Variants in ACAP1 observed in about 807,000 individuals in gnomAD.
ACAP1 encodes the protein arf-GAP with coiled-coil, ANK repeat and PH domain-containing protein 1.
In ACAP1, 45 loss-of-function variants were observed where a neutral mutation model predicts 98.8. That is an observed-to-expected ratio of 0.46 (90% CI 0.36 to 0.58). The LOEUF (loss-of-function observed/expected upper bound fraction) is 0.58. Among genes scored for constraint, ACAP1 ranks in the 20% least tolerant of loss-of-function variants. ACAP1 has a pLI of 0.00. For missense variants in ACAP1, 735 were observed against 971.4 expected, an observed-to-expected ratio of 0.76 and a Z score of 3.24; for synonymous variants, 362 against 375.3, an observed-to-expected ratio of 0.96 and a Z score of 0.41.
chr17:7,341,188 T>G (rs1449353530), intron 2 of ACAP1, among the ~76,000 whole-genome samples: 1 of 152,274 alleles, frequency 6.6e-6, no homozygotes, highest in Non-Finnish European at 1.5e-5. Context: ...TCTCGGTCTG[T>G]CACCCAGGCT....
chr17:7,336,592 A>T lies in ACAP1; in HGVS notation c.-143A>T. On this transcript the variant is annotated 5_prime_UTR_variant, in exon 1 of 22. Transcript: ENST00000158762. ...GACACCCCTTTCCCCTTGGGGAAAG[A>T]ATTGTGCCCCCAGGCCCTTCCCCGC... The T allele has an allele frequency of 1.3e-6, 1 of 795,506 alleles. No individual in the cohort carries two copies. Among genetic ancestry groups the T allele is most frequent in the Admixed American group, 2.0e-5 (1 of 50,774 alleles). 49.3% of individuals were successfully genotyped at this position (795,506 alleles called of 1,614,324 possible).
intron 10 of ACAP1, 57 bp from the exon 11 acceptor site, chr17:7,346,187 T>C (rs1210727184): frequency 6.4e-7 from 1 of 1,551,292 alleles, no homozygotes; most frequent in East Asian, 2.2e-5. Flanking sequence ...GCACAGCCTC[T>C]CTTCCGTCCC....
Position 7,343,654 on chromosome 17 carries a change from TG to T in ACAP1, c.529-51del. ...TCCAGTGTGCAGTGGGAAGGGGTGCTGTGTCTTCAAGACTGATCTGGGGTTT... is the reference window on the plus strand; with the variant it reads ...TCCAGTGTGCAGTGGGAAGGGGTGCTTGTCTTCAAGACTGATCTGGGGTTT... On this transcript the variant is annotated intron_variant, in intron 6 of 21. Coordinates refer to ENST00000158762, the MANE Select transcript of ACAP1 (RefSeq NM_014716.4). The surrounding 1 kb of genome is among the most constrained non-coding windows in gnomAD (Gnocchi z 4.9). 6.2e-7 allele frequency: 1 copy of T among 1,601,446 alleles called. No homozygotes were observed.
chr17:7,340,929 C>G (rs1025583086), intron 2 of ACAP1, among the ~76,000 whole-genome samples: 8 of 152,262 alleles, frequency 5.3e-5, no homozygotes, highest in Admixed American at 5.2e-4. Context: ...GATCCACCCA[C>G]CTCAGCCTCC....
chr17:7,337,177 A>G, intron 1 of ACAP1, 135 bp from the exon 2 acceptor site: 2 of 800,140 alleles, frequency 2.5e-6, no homozygotes, highest in South Asian at 1.5e-5. Flanking sequence ...GAGCACAAGT[A>G]GGTGGGTGGG....
chr17:7,348,184 G>A lies in ACAP1; in HGVS notation c.1471G>A (p.Ala491Thr). ...CCAGATCTATGAGGCCCGCGTGGAG[G>A]CCATGGCAGTGAAGAAACCAGGGCC... ...INQIYEARVEAMAVKKPGPSC... is the reference protein window; with the variant it reads ...INQIYEARVETMAVKKPGPSC... Residue 491 changes from alanine (A) to threonine (T), a missense_variant, in exon 16 of 22, where the codon GCC becomes ACC. This residue lies in a region of ACAP1 where 81 missense variants were observed against 132.0 expected (regional missense o/e 0.61). Transcript: ENST00000158762. 1 of 1,614,066 alleles carries A rather than the reference G, an allele frequency of 6.2e-7. No homozygotes were observed. The highest frequency in any genetic ancestry group is 8.5e-7 in the Non-Finnish European group (1 of 1,179,960).
Position 7,343,712 on chromosome 17 carries a change from G to A in ACAP1, c.535G>A (p.Val179Met), listed in dbSNP as rs773510903. 4.3e-6 allele frequency: 7 copies of A among 1,614,048 alleles called. No homozygotes were observed. Among genetic ancestry groups the A allele is most frequent in the South Asian group, 3.3e-5 (3 of 91,070 alleles). ...RALDYALQIN[V>M]IEDKRKFDIM... ...TCCTCTTTTACGTCCTCAGATCAAC[G>A]TGATTGAGGACAAGAGGAAGTTTGA... The change falls in exon 7 of 22, where the codon GTG becomes ATG. Residue 179 changes from valine to methionine, a missense_variant. Val to Met is a conservative substitution (Grantham distance 21). Transcript: ENST00000158762. This position sits in a 1 kb window ranked among gnomAD's most constrained non-coding sequence, Gnocchi z 4.9.
At position 7,336,719 on chromosome 17, in the gene ACAP1, CA is replaced by C; in HGVS notation, c.-15del. On this transcript the variant is annotated 5_prime_UTR_variant, in exon 1 of 22. Transcript: ENST00000158762. ...CGGCCTCCAGGGCCCGCTGGCCCCA[CA>C]GCAGGCAAGCTGAGATGACGGTCAA... 6.2e-7 allele frequency: 1 copy of C among 1,613,824 alleles called. No individual in the cohort carries two copies. The highest frequency in any genetic ancestry group is 8.5e-7 in the Non-Finnish European group (1 of 1,179,798).
At position 7,343,863 on chromosome 17, in the gene ACAP1, G is replaced by C. The variant is rs753634910; in HGVS notation, c.576G>C (p.Val192=). 21 of 1,613,958 alleles carry C rather than the reference G, an allele frequency of 1.3e-5. No homozygotes were observed. The highest frequency in any genetic ancestry group is 1.6e-5 in the Non-Finnish European group (19 of 1,179,924). Residue 192 remains valine (V), a splice_region_variant and synonymous_variant, in exon 8 of 22, where the codon GTG becomes GTC. Transcript: ENST00000158762. The surrounding 1 kb of genome is among the most constrained non-coding windows in gnomAD (Gnocchi z 4.9). ...DKRKFDIMEF[V]LRLVEAQATH... is the part of the protein sequence containing the mutation. ...CCACTGCCCGCCTTGTCCCCCAGGT[G>C]CTGCGTTTGGTGGAGGCCCAGGCTA...
In ACAP1 at chr17:7,347,029, A is replaced by G; in HGVS notation, c.1132-2A>G. Reference sequence around the variant, plus strand: ...CACCCTTTCTTCCCCTCTCTCCCCCAGGGCTCAGGACACCTGGCCATAGGC... The same window carrying G: ...CACCCTTTCTTCCCCTCTCTCCCCCGGGGCTCAGGACACCTGGCCATAGGC... On this transcript the variant is annotated splice_acceptor_variant, in intron 13 of 21. Transcript: ENST00000158762. LOFTEE classifies it high-confidence loss of function. The G allele has an allele frequency of 1.3e-6, 2 of 1,577,816 alleles. No homozygotes were observed. Among genetic ancestry groups the G allele is most frequent in the Non-Finnish European group, 1.7e-6 (2 of 1,157,510 alleles).
Position 7,341,997 on chromosome 17 carries a change from C to T in ACAP1, c.161C>T (p.Ala54Val). 6.2e-7 allele frequency: 1 copy of T among 1,614,198 alleles called. No homozygotes were observed. Residue 54 changes from alanine (A) to valine (V), a missense_variant, in exon 3 of 22, where the codon GCT becomes GTT. This residue lies in a region of ACAP1 where 430 missense variants were observed against 531.8 expected (regional missense o/e 0.81). Coordinates refer to ENST00000158762, the MANE Select transcript of ACAP1 (RefSeq NM_014716.4). ...CTGGAAAGTGGGCGCCATTACCTTG[C>T]TGCCAGCCGCGCCTTCGTTGTCGGC... ...GLLESGRHYL[A>V]ASRAFVVGIC...
At position 7,349,012 on chromosome 17, in the gene ACAP1, C is replaced by CTGGGAAGCCTGTT; in HGVS notation, c.1707_1708insTTTGGGAAGCCTG (p.His570PhefsTer25). 1 of 1,613,372 alleles carries CTGGGAAGCCTGTT rather than the reference C, an allele frequency of 6.2e-7. No individual in the cohort carries two copies. Among genetic ancestry groups the CTGGGAAGCCTGTT allele is most frequent in the Non-Finnish European group, 8.5e-7 (1 of 1,179,914 alleles). On this transcript the variant is annotated frameshift_variant, in exon 18 of 22. Coordinates refer to ENST00000158762, the MANE Select transcript of ACAP1 (RefSeq NM_014716.4). LOFTEE classifies it high-confidence loss of function. Reference sequence around the variant, plus strand: ...CCGAACAGAGCCCCCCTCTGAGGACCTGGGAAGCCTGCACCCTGGGGCCCT... The same window carrying CTGGGAAGCCTGTT: ...CCGAACAGAGCCCCCCTCTGAGGACCTGGGAAGCCTGTTTGGGAAGCCTGCACCCTGGGGCCCT...
rs1165496909 is a variant in ACAP1 at position 7,351,297 on chromosome 17, G to T, written c.2125G>T (p.Asp709Tyr). 1.2e-6 allele frequency: 2 copies of T among 1,612,692 alleles called. No homozygotes were observed. The highest frequency in any genetic ancestry group is 8.5e-7 in the Non-Finnish European group (1 of 1,179,078). The change falls in exon 22 of 22, where the codon GAT (aspartate) becomes TAT (tyrosine). Residue 709 changes from aspartate to tyrosine, a missense_variant and splice_region_variant. Asp to Tyr is a radical substitution (Grantham distance 160, BLOSUM62 -3). Transcript: ENST00000158762. Reference protein sequence around the residue: ...EAEAAQGQAGDETYLDIFRDF... With the variant: ...EAEAAQGQAGYETYLDIFRDF... ...CCGGCCTTTCCTCCCTCCCCCAGGA[G>T]ATGAGACGTATCTTGACATCTTCCG... is the stretch of plus-strand genomic sequence containing the variant.
In ACAP1 at chr17:7,350,298, G is replaced by C; in HGVS notation, c.2072+61G>C. The C allele has an allele frequency of 1.5e-6, 2 of 1,352,384 alleles. No individual in the cohort carries two copies. Among genetic ancestry groups the C allele is most frequent in the South Asian group, 1.2e-5 (1 of 82,592 alleles). 83.8% of individuals were successfully genotyped at this position (1,352,384 alleles called of 1,614,324 possible). ...ACTCCCCCCACCCCCGCCCACCCAC[G>C]TTCGGGCGGGCGGGCGGGGCTGACG... is the stretch of plus-strand genomic sequence containing the variant. On this transcript the variant is annotated intron_variant, in intron 20 of 21. Transcript: ENST00000158762. This position sits in a 1 kb window ranked among gnomAD's most constrained non-coding sequence, Gnocchi z 4.6.
chr17:7,339,214 C>T (rs937921358), intron 2 of ACAP1, among the ~76,000 whole-genome samples: 13 of 151,908 alleles, frequency 8.6e-5, no homozygotes, highest in Admixed American at 3.9e-4. Context: ...GGCGCGAACC[C>T]GGGAGGTGGA....
chr17:7,342,942 G>A (rs1374242862), intron 5 of ACAP1: 3 of 217,600 alleles, frequency 1.4e-5, no homozygotes, highest in South Asian at 6.7e-5. Context: ...ATAGCCGGGC[G>A]TGGTGGCACA....
At chr17:7,338,091 T>C (rs2073239312) in intron 2 of ACAP1, among the ~76,000 whole-genome samples, 1 of 152,120 alleles carries the variant, frequency 6.6e-6, no homozygotes, top group Admixed American at 6.5e-5. Flanking sequence ...TTCCCCTTAC[T>C]TCGCTTTACT....
In ACAP1 at chr17:7,343,478, G is replaced by A. The variant is rs765917451; in HGVS notation, c.444G>A (p.Arg148=). 2.5e-6 allele frequency: 4 copies of A among 1,613,996 alleles called. No homozygotes were observed. Among genetic ancestry groups the A allele is most frequent in the South Asian group, 2.2e-5 (2 of 91,086 alleles). The stretch of plus-strand genomic sequence containing the variant: ...ACAACGCAGAGGTTCCCAGGCGCCG[G>A]GCCCAGGAGGCAGAAGAGGCAGGAG... ...LTHNAEVPRR[R]AQEAEEAGAA... Residue 148 remains arginine, a synonymous_variant, in exon 6 of 22, where the codon CGG becomes CGA. Transcript: ENST00000158762. This position sits in a 1 kb window ranked among gnomAD's most constrained non-coding sequence, Gnocchi z 4.9.
chr17:7,347,834 T>C (rs926093673), intron 14 of ACAP1, 88 bp from the exon 15 acceptor site: 12 of 1,166,868 alleles, frequency 1.0e-5, no homozygotes, highest in Non-Finnish European at 1.4e-5. Context: ...ATGCCAGCCT[T>C]GCCTCCCAGT....
Sources: gnomAD v4.1 joint callset for allele counts (sites outside exome capture counted in the v4.1 genomes callset) on GRCh38, gnomAD v4.1.1 for gene constraint, gnomAD v4.1.1 regional missense constraint, Gnocchi (gnomAD v3.1) non-coding constraint, MANE v1.5 for transcripts, NCBI Gene and HGNC (gene_info 2026-07-23, HGNC 2026-07-21) for gene names.